DHRS9: variants seen among roughly 807,000 people sequenced by gnomAD.
DHRS9 encodes the protein dehydrogenase/reductase SDR family member 9.
DHRS9 carries 18 observed loss-of-function variants against 26.6 expected under a neutral mutation model. The observed-to-expected ratio is 0.68, with a 90% CI of 0.47 to 1.00. The LOEUF (loss-of-function observed/expected upper bound fraction) is 1.00, where lower values mean the gene tolerates loss of function less well. Ranked by LOEUF, DHRS9 falls within the 50% of genes least tolerant of loss-of-function variation. DHRS9 has a pLI of 0.00. For missense variants in DHRS9, 425 were observed against 378.7 expected, an observed-to-expected ratio of 1.12 and a Z score of -1.01; for synonymous variants, 134 against 141.1, an observed-to-expected ratio of 0.95 and a Z score of 0.36.
intron 3 of DHRS9, among the ~76,000 whole-genome samples, chr2:169,088,591 A>C (rs927073308): frequency 6.6e-5 from 10 of 152,094 alleles, no homozygotes; most frequent in Non-Finnish European, 1.3e-4. Context: ...CTCCACCTCT[A>C]CCCTATTTAG....
chr2:169,070,056 G>C (rs56069956), intron 1 of DHRS9: 1 of 968,112 alleles, frequency 1.0e-6, no homozygotes, highest in South Asian at 4.8e-5. Context: ...GAAACTGGAG[G>C]GGGAAGTCTC....
chr2:169,087,938 G>A (rs1319855405), intron 3 of DHRS9, among the ~76,000 whole-genome samples: 1 of 152,082 alleles, frequency 6.6e-6, no homozygotes, highest in African/African-American at 2.4e-5. Flanking sequence ...AAGAGCTGTG[G>A]GCTGCGCGGT....
chr2:169,070,732 C>G, intron 1 of DHRS9: 1 of 985,362 alleles, frequency 1.0e-6, no homozygotes, highest in Non-Finnish European at 1.2e-6. Context: ...TGTTAAAACT[C>G]TTATAACAAA....
intron 1 of DHRS9, chr2:169,070,566 A>T (rs2105276390): frequency 1.0e-6 from 1 of 985,010 alleles, no homozygotes; most frequent in South Asian, 4.7e-5. Context: ...CCTTGGCTAC[A>T]CGCTGCATCA....
At chr2:169,088,130 C>T (rs1684409828) in intron 3 of DHRS9, among the ~76,000 whole-genome samples, 1 of 152,184 alleles carries the variant, frequency 6.6e-6, no homozygotes, top group South Asian at 2.1e-4. Flanking sequence ...CACGTTAGCC[C>T]ACACTGTTGA....
At chr2:169,069,909 G>T (rs559983791) in intron 1 of DHRS9, among the ~76,000 whole-genome samples, 192 bp downstream of exon 1, 3 of 152,144 alleles carry the variant, frequency 2.0e-5, no homozygotes, top group South Asian at 2.1e-4. Context: ...AATGACCTCG[G>T]TGTGACCTGG....
At chr2:169,074,186 T>G in intron 1 of DHRS9, 1 of 770,786 alleles carries the variant, frequency 1.3e-6, no homozygotes, top group Non-Finnish European at 1.6e-6. Context: ...AAGTTCTTAC[T>G]GTAACGGCAG....
At chr2:169,082,352 G>A (rs1484052708) in intron 2 of DHRS9, among the ~76,000 whole-genome samples, 2 of 152,186 alleles carry the variant, frequency 1.3e-5, no homozygotes, top group African/African-American at 2.4e-5. Context: ...CTGAGAATTT[G>A]AGTATGAGTG....
chr2:169,082,694 C>T (rs954732943), intron 2 of DHRS9, among the ~76,000 whole-genome samples: 2 of 151,958 alleles, frequency 1.3e-5, no homozygotes, highest in African/African-American at 4.8e-5. Context: ...GAATTCTTAA[C>T]CAAAAATAAA....
intron 3 of DHRS9, among the ~76,000 whole-genome samples, chr2:169,088,150 G>A (rs753345015): frequency 6.6e-6 from 1 of 152,150 alleles, no homozygotes; most frequent in African/African-American, 2.4e-5. Flanking sequence ...AGGCTTGCTG[G>A]CACTCAGGTT....
chr2:169,074,668 C>T (rs1028887161), intron 1 of DHRS9, among the ~76,000 whole-genome samples: 8 of 152,104 alleles, frequency 5.3e-5, no homozygotes, highest in South Asian at 4.1e-4. Context: ...GGTTGCTGCT[C>T]AGAGTTGGCA....
chr2:169,092,974 C>T (rs919880217), intron 4 of DHRS9, among the ~76,000 whole-genome samples: 3 of 152,112 alleles, frequency 2.0e-5, no homozygotes, highest in Non-Finnish European at 2.9e-5. Flanking sequence ...GCAGCCTGAC[C>T]GTGCCATTTA....
intron 1 of DHRS9, chr2:169,070,112 A>T (rs1683754988): frequency 1.0e-6 from 1 of 985,322 alleles, no homozygotes; most frequent in African/African-American, 1.7e-5. Context: ...GAAGCAGCAG[A>T]TTCTCTGTCA....
At chr2:169,076,641 T>C (rs1683970983) in intron 1 of DHRS9, among the ~76,000 whole-genome samples, 1 of 152,222 alleles carries the variant, frequency 6.6e-6, no homozygotes, top group African/African-American at 2.4e-5. Flanking sequence ...CTCCTCCTTC[T>C]GACAGTGTGA....
rs866785226 is a variant in DHRS9 at position 169,070,758 on chromosome 2, G to A, written c.-60+1041G>A. On this transcript the variant is annotated intron_variant, in intron 1 of 4. Transcript: ENST00000674881. ...TTATAACAAATGTCACTGTCTTAAG[G>A]GACAGTGTTTAAAAACGCATACCTG... 15 of 985,228 alleles carry A rather than the reference G, an allele frequency of 1.5e-5. No individual in the cohort carries two copies. The African/African-American group carries it at 2.3e-4, about 15-fold the overall frequency. The allele number at this position is 985,228 out of a possible 1,614,324, so 61.0% of individuals were successfully genotyped here.
At chr2:169,068,114 G>A (rs1683699585), upstream of DHRS9, among the ~76,000 whole-genome samples, 1 of 152,132 alleles carries the variant, frequency 6.6e-6, no homozygotes, top group Non-Finnish European at 1.5e-5. Context: ...AGGTGCATGA[G>A]GCTCTCTTCT....
intron 3 of DHRS9, 127 bp from the exon 4 acceptor site, chr2:169,091,658 AATAAG>A (rs1421064520): frequency 4.0e-6 from 4 of 1,009,308 alleles, no homozygotes; most frequent in Non-Finnish European, 2.9e-6. Context: ...AGGGAGAGAG[AATAAG>A]ATATTTCTTT....
chr2:169,094,363 T>C (rs191976484), intron 4 of DHRS9, among the ~76,000 whole-genome samples: 2 of 152,232 alleles, frequency 1.3e-5, no homozygotes, highest in South Asian at 2.1e-4. Context: ...TTTTTCCCAT[T>C]CTGTATGTTT....
In DHRS9 at chr2:169,076,457, G is replaced by A. The variant is rs138188471; in HGVS notation, c.-59-5066G>A. On this transcript the variant is annotated intron_variant, in intron 1 of 4. Transcript: ENST00000674881. The stretch of plus-strand genomic sequence containing the variant: ...AAATTGGTTTCTGAGCCCTTGGTAT[G>A]TTCATTGTTGTTGGAGTGTCATTGT... Among the ~76,000 whole-genome samples, 3 of 152,330 alleles carry A rather than the reference G, an allele frequency of 2.0e-5. No homozygotes were observed. In the East Asian group the frequency reaches 5.8e-4, roughly 29 times the overall value.
Sources: allele counts gnomAD v4.1 joint callset (sites outside exome capture counted in the v4.1 genomes callset), GRCh38; gene constraint gnomAD v4.1.1; transcripts MANE v1.5; gene names NCBI Gene and HGNC (gene_info 2026-07-23, HGNC 2026-07-21).